The following DCAF8L2 variants were observed in gnomAD, a reference collection of about 807,000 sequenced individuals.
DCAF8L2 encodes DDB1- and CUL4-associated factor 8-like protein 2.
For synonymous variants in DCAF8L2, 200 were observed against 190.9 expected, an observed-to-expected ratio of 1.05 and a Z score of -0.39; for missense variants, 430 against 490.7, an observed-to-expected ratio of 0.88 and a Z score of 1.17.
chrX:27,514,393 C>T, the DCAF8L2 span, among the ~76,000 whole-genome samples: 8 of 109,488 alleles, frequency 7.3e-5, no homozygotes, highest in African/African-American at 1.0e-4. Context: ...AAATCGGCCG[C>T]GCGCGGTGGC....
intron 2 of DCAF8L2, among the ~76,000 whole-genome samples, chrX:27,644,858 G>T (rs750854408): frequency 8.9e-6 from 1 of 111,756 alleles, no homozygotes; most frequent in Non-Finnish European, 1.9e-5. Context: ...AGGTTCAAGC[G>T]ATTCTCCTGC....
At chrX:27,688,444 T>A (rs1930587881) in intron 3 of DCAF8L2, among the ~76,000 whole-genome samples, 1 of 111,990 alleles carries the variant, frequency 8.9e-6, no homozygotes, top group Non-Finnish European at 1.9e-5. Flanking sequence ...CTTTTGTGCA[T>A]TGCTTTGTTT....
chrX:27,692,689 A>G (rs1930754574), intron 3 of DCAF8L2, among the ~76,000 whole-genome samples: 1 of 111,955 alleles, frequency 8.9e-6, no homozygotes, highest in African/African-American at 3.2e-5. Context: ...AAAGTTGTTT[A>G]TCTACTTTGG....
intron 3 of DCAF8L2, among the ~76,000 whole-genome samples, chrX:27,710,961 T>C (rs1931504602): frequency 8.9e-6 from 1 of 112,198 alleles, no homozygotes; most frequent in Non-Finnish European, 1.9e-5. Context: ...GAATGGCTAT[T>C]TGATTTTGTA....
At chrX:27,606,852 A>G (rs1926930775) in intron 1 of DCAF8L2, among the ~76,000 whole-genome samples, 2 of 111,355 alleles carry the variant, frequency 1.8e-5, no homozygotes, top group South Asian at 7.5e-4. Flanking sequence ...AACAGTCAAA[A>G]TACAGCCCGT....
the DCAF8L2 span, among the ~76,000 whole-genome samples, chrX:27,544,376 A>G: frequency 8.9e-6 from 1 of 111,927 alleles, no homozygotes; most frequent in Non-Finnish European, 1.9e-5. Flanking sequence ...TAGTCAGTTA[A>G]TTTATTAGTG....
intron 1 of DCAF8L2, among the ~76,000 whole-genome samples, chrX:27,626,611 A>T (rs1432018930): frequency 8.9e-6 from 1 of 112,340 alleles, no homozygotes. Context: ...AAACAGACTC[A>T]TGTTAAAATA....
chrX:27,688,747 A>G (rs1297849151), intron 3 of DCAF8L2, among the ~76,000 whole-genome samples: 1 of 112,056 alleles, frequency 8.9e-6, no homozygotes, highest in East Asian at 2.8e-4. Context: ...CCCATAAGAG[A>G]AAATGTACAG....
chrX:27,569,030 T>C, the DCAF8L2 span, among the ~76,000 whole-genome samples: 1 of 105,770 alleles, frequency 9.5e-6, no homozygotes, highest in Non-Finnish European at 1.9e-5. Context: ...GTGAGAAGAG[T>C]TTGCTTCCTA....
chrX:27,678,858 A>T (rs1602726865), intron 3 of DCAF8L2, among the ~76,000 whole-genome samples: 1 of 112,055 alleles, frequency 8.9e-6, no homozygotes, highest in East Asian at 2.8e-4. Context: ...ATTTTTCCAT[A>T]ATGAAAAATG....
the DCAF8L2 span, among the ~76,000 whole-genome samples, chrX:27,554,351 A>G: frequency 8.9e-6 from 1 of 111,954 alleles, no homozygotes; most frequent in East Asian, 2.8e-4. Flanking sequence ...TATACCATAA[A>G]CAGAGCTTCA....
chrX:27,547,593 G>C, the DCAF8L2 span, among the ~76,000 whole-genome samples: 2 of 107,186 alleles, frequency 1.9e-5, no homozygotes, highest in Non-Finnish European at 3.9e-5. Context: ...AGGTGAGAGA[G>C]AGAACATGTG....
intron 1 of DCAF8L2, among the ~76,000 whole-genome samples, chrX:27,609,981 A>T (rs1927081410): frequency 1.8e-5 from 2 of 112,094 alleles, no homozygotes; most frequent in East Asian, 2.8e-4. Flanking sequence ...TGTTACAATA[A>T]ATCACAATCA....
the DCAF8L2 span, among the ~76,000 whole-genome samples, chrX:27,547,298 C>G: frequency 7.2e-5 from 8 of 111,823 alleles, no homozygotes; most frequent in Non-Finnish European, 1.3e-4. Flanking sequence ...TCCAAACTTT[C>G]CTGCATCTTT....
At chrX:27,736,256 C>A (rs1225862713) in intron 4 of DCAF8L2, among the ~76,000 whole-genome samples, 1 of 111,645 alleles carries the variant, frequency 9.0e-6, no homozygotes, top group Admixed American at 9.5e-5. Context: ...CATTTCCCGG[C>A]AGTCAACAAT....
chrX:27,490,886 G>A, the DCAF8L2 span, among the ~76,000 whole-genome samples: 1 of 111,504 alleles, frequency 9.0e-6, no homozygotes, highest in East Asian at 2.8e-4. Context: ...GTTCCTGTCT[G>A]TATGATCATG....
At chrX:27,519,923 C>A in the DCAF8L2 span, among the ~76,000 whole-genome samples, 6 of 110,775 alleles carry the variant, frequency 5.4e-5, no homozygotes, top group Non-Finnish European at 1.1e-4. Context: ...ATTGGTAAAA[C>A]CAAATTGTCA....
At chrX:27,616,344 C>T (rs1462508865) in intron 1 of DCAF8L2, among the ~76,000 whole-genome samples, 3 of 110,034 alleles carry the variant, frequency 2.7e-5, no homozygotes, top group East Asian at 2.9e-4. Context: ...TCCAAAATAT[C>T]GACCATCAGT....
At chrX:27,542,285 A>G in the DCAF8L2 span, among the ~76,000 whole-genome samples, 4 of 111,333 alleles carry the variant, frequency 3.6e-5, no homozygotes, top group Non-Finnish European at 5.7e-5. Context: ...AAACTGCTTT[A>G]TATAGTGGCT....
Sources: allele counts gnomAD v4.1 joint callset (sites outside exome capture counted in the v4.1 genomes callset), GRCh38; gene constraint gnomAD v4.1.1; transcripts MANE v1.5; gene names NCBI Gene and HGNC (gene_info 2026-07-23, HGNC 2026-07-21).